Variants in PLEKHA7 observed in about 807,000 individuals in gnomAD.
The protein encoded by PLEKHA7 is pleckstrin homology domain containing A7.
PLEKHA7 carries 104 observed loss-of-function variants against 170.0 expected under a neutral mutation model. The ratio of observed to expected loss-of-function variants is 0.61; its 90% confidence interval spans 0.52 to 0.72. The LOEUF is 0.72. PLEKHA7 is among the 30% of genes least tolerant of loss of function. The pLI is 0.00. For synonymous variants in PLEKHA7, 648 were observed against 660.8 expected, an observed-to-expected ratio of 0.98 and a Z score of 0.30; for missense variants, 1,615 against 1,671.7, an observed-to-expected ratio of 0.97 and a Z score of 0.59.
intron 3 of PLEKHA7, among the ~76,000 whole-genome samples, chr11:16,876,345 G>C (rs1855292593): frequency 6.6e-6 from 1 of 152,214 alleles, no homozygotes. Context: ...TCCACACAAG[G>C]GCTTCTGTTT....
At chr11:16,828,100 C>G (rs1850804166) in intron 9 of PLEKHA7, among the ~76,000 whole-genome samples, 1 of 152,202 alleles carries the variant, frequency 6.6e-6, no homozygotes, top group South Asian at 2.1e-4. Context: ...CTGCTTCTCA[C>G]TGTGTGTGGG....
intron 3 of PLEKHA7, among the ~76,000 whole-genome samples, chr11:17,000,336 C>T (rs1313180559): frequency 6.6e-6 from 1 of 152,176 alleles, no homozygotes; most frequent in Non-Finnish European, 1.5e-5. Flanking sequence ...TCAAGTGATC[C>T]ACCTGCCTCA....
At chr11:16,978,198 T>C (rs1590768652) in intron 3 of PLEKHA7, among the ~76,000 whole-genome samples, 1 of 152,356 alleles carries the variant, frequency 6.6e-6, no homozygotes, top group East Asian at 1.9e-4. Flanking sequence ...ACAGTTTCTA[T>C]TTTGTAAGAG....
chr11:16,899,199 C>G (rs1486969309), intron 3 of PLEKHA7, among the ~76,000 whole-genome samples: 3 of 152,124 alleles, frequency 2.0e-5, no homozygotes, highest in Non-Finnish European at 2.9e-5. Context: ...TCAATATAGA[C>G]AAAACTTTTG....
At chr11:16,839,248 A>G (rs74369543) in intron 9 of PLEKHA7, among the ~76,000 whole-genome samples, 5,166 of 152,136 alleles carry the variant, frequency 0.034, 208 homozygotes, top group South Asian at 0.092. Context: ...AAAGCACAAA[A>G]GAATCCTATA....
rs142702687 is a variant in PLEKHA7, at chr11:17,000,518, A to G, written c.221+13471T>C. ...AGCTTCCTTTTAAAGACAAGTCTCA[A>G]CAAGGAAGCACAATTCTTTCTCCCT... On this transcript the variant is annotated intron_variant, in intron 3 of 26. Coordinates refer to ENST00000531066, the MANE Select transcript of PLEKHA7 (RefSeq NM_001329630.2). Among the ~76,000 whole-genome samples the G allele has an allele frequency of 1.8e-4, 27 of 152,284 alleles. No individual in the cohort carries two copies. In the East Asian group the frequency reaches 5.2e-3, roughly 29 times the overall value.
Position 16,817,021 on chromosome 11 carries a change from T to C in PLEKHA7, c.1645A>G (p.Thr549Ala). Residue 549 changes from threonine to alanine, a missense_variant, in exon 11 of 27, where the codon ACC becomes GCC. Physicochemically the swap from Thr to Ala is moderately conservative, Grantham distance 58. Transcript: ENST00000531066. This position sits in a 1 kb window ranked among gnomAD's most constrained non-coding sequence, Gnocchi z 4.4. ...ATGCTCCTGCTCCGGCCCTGGTCGG[T>C]GAACTCTGGGGAGCCAAGGCAGATG... ...APICLGSPEF[T>A]DQGRSRSMLE... 6.2e-7 allele frequency: 1 copy of C among 1,603,816 alleles called. No homozygotes were observed. The highest frequency in any genetic ancestry group is 1.1e-5 in the South Asian group (1 of 89,370).
At position 17,014,406 on chromosome 11, in the gene PLEKHA7, G is replaced by T. The variant is rs1321882107; in HGVS notation, c.-5C>A. On this transcript the variant is annotated 5_prime_UTR_variant, in exon 1 of 27. Coordinates refer to ENST00000531066, the MANE Select transcript of PLEKHA7 (RefSeq NM_001329630.2). ...CCCGACCGTCGCCGCCGCCATGTTC[G>T]CCGAGCGCGGAGCCGCCGCGGGGTG... 1 of 1,321,858 alleles carries T rather than the reference G, an allele frequency of 7.6e-7. No homozygotes were observed. 81.9% of individuals were successfully genotyped at this position (1,321,858 alleles called of 1,614,324 possible).
At chr11:16,922,033 G>A (rs779186396) in intron 3 of PLEKHA7, among the ~76,000 whole-genome samples, 5 of 152,200 alleles carry the variant, frequency 3.3e-5, no homozygotes, top group Non-Finnish European at 5.9e-5. Flanking sequence ...CTGCGTCAGA[G>A]ATTCAGGGTT....
chr11:16,805,657 C>T (rs1483778888), intron 13 of PLEKHA7, among the ~76,000 whole-genome samples: 4 of 151,814 alleles, frequency 2.6e-5, no homozygotes, highest in Admixed American at 2.6e-4. Context: ...AGGCACAGTG[C>T]CGCGCACCTG....
At chr11:16,811,951 G>A (rs1849402448) in intron 13 of PLEKHA7, among the ~76,000 whole-genome samples, 1 of 152,148 alleles carries the variant, frequency 6.6e-6, no homozygotes, top group South Asian at 2.1e-4. Context: ...CCTCCTCCCA[G>A]AAGCCTCTCC....
intron 3 of PLEKHA7, among the ~76,000 whole-genome samples, chr11:16,906,258 GGAAGGAAGGAAGGAA>G (rs1857666655): frequency 9.0e-6 from 1 of 111,584 alleles, no homozygotes; most frequent in Admixed American, 9.8e-5. Context: ...AAGGAAGGAA[GGAAGGAAGGAAGGAA>G]GGAAGGAAAG....
At chr11:16,823,877 G>A (rs1321961491) in intron 10 of PLEKHA7, among the ~76,000 whole-genome samples, 9 of 152,152 alleles carry the variant, frequency 5.9e-5, no homozygotes, top group African/African-American at 1.2e-4. Flanking sequence ...ACAGATGAAC[G>A]GATAAACAAA....
chr11:16,831,142 C>T (rs1277456847), intron 9 of PLEKHA7, among the ~76,000 whole-genome samples: 1 of 152,144 alleles, frequency 6.6e-6, no homozygotes, highest in African/African-American at 2.4e-5. Flanking sequence ...CCCATGGCTC[C>T]CGGGACTTAC....
At chr11:16,941,423 C>T (rs1270695037) in intron 3 of PLEKHA7, among the ~76,000 whole-genome samples, 1 of 152,184 alleles carries the variant, frequency 6.6e-6, no homozygotes, top group Admixed American at 6.5e-5. Context: ...TCATGAACAA[C>T]TTAGCTCATA....
At chr11:16,894,800 A>G (rs10832695) in intron 3 of PLEKHA7, among the ~76,000 whole-genome samples, 72,024 of 151,932 alleles carry the variant, frequency 0.47, 17,599 homozygotes, top group Non-Finnish European at 0.54. Flanking sequence ...GGAGGGGAGT[A>G]GATAAAGAAC....
intron 4 of PLEKHA7, among the ~76,000 whole-genome samples, chr11:16,870,042 AAC>A (rs1854702443): frequency 6.6e-6 from 1 of 152,166 alleles, no homozygotes; most frequent in Non-Finnish European, 1.5e-5. Flanking sequence ...TTTTTGGGAA[AAC>A]ACATCCTGCT....
At chr11:16,842,460 C>G (rs1345543346) in intron 8 of PLEKHA7, 1 of 152,168 alleles carries the variant, frequency 6.6e-6, no homozygotes, top group Non-Finnish European at 1.5e-5. Flanking sequence ...TAGCTGCAGT[C>G]CCCTGCTAGA....
intron 3 of PLEKHA7, among the ~76,000 whole-genome samples, chr11:16,970,101 C>G (rs189841097): frequency 1.3e-5 from 2 of 152,272 alleles, no homozygotes; most frequent in African/African-American, 4.8e-5. Flanking sequence ...TATGTGGGGA[C>G]AGAGGACAGA....
Sources: allele counts gnomAD v4.1 joint callset (sites outside exome capture counted in the v4.1 genomes callset), GRCh38; gene constraint gnomAD v4.1.1; non-coding constraint Gnocchi (gnomAD v3.1); transcripts MANE v1.5; gene names NCBI Gene and HGNC (gene_info 2026-07-23, HGNC 2026-07-21).